Variants in PRRC2B observed in about 807,000 individuals in gnomAD.
The protein encoded by PRRC2B is proline rich coiled-coil 2B.
A neutral mutation model predicts 242.3 loss-of-function variants in PRRC2B; 68 were observed. The ratio of observed to expected loss-of-function variants is 0.28; its 90% CI spans 0.23 to 0.34. The LOEUF is 0.34. Among genes scored for constraint, PRRC2B ranks in the 10% least tolerant of loss-of-function variants. The probability of loss-of-function intolerance (pLI) is 1.00; values close to 1 mark genes in which losing one functional copy is unlikely to be tolerated. For synonymous variants in PRRC2B, 1,228 were observed against 1,173.6 expected, an observed-to-expected ratio of 1.05 and a Z score of -0.95; for missense variants, 2,835 against 2,954.8, an observed-to-expected ratio of 0.96 and a Z score of 0.94.
chr9:131,375,621 G>C (rs1836673992), intron 1 of PRRC2B, among the ~76,000 whole-genome samples: 1 of 152,140 alleles, frequency 6.6e-6, no homozygotes, highest in Admixed American at 6.6e-5. Context: ...AGGCTTTGGG[G>C]TCAGAAGGCT....
chr9:131,420,131 C>T (rs1399669415), intron 1 of PRRC2B, among the ~76,000 whole-genome samples: 3 of 152,102 alleles, frequency 2.0e-5, no homozygotes, highest in Admixed American at 6.6e-5. Context: ...TATATGCTGT[C>T]TCCTTGGGGT....
chr9:131,493,890 A>G (rs765886643), intron 30 of PRRC2B, among the ~76,000 whole-genome samples: 43 of 151,972 alleles, frequency 2.8e-4, no homozygotes, highest in Non-Finnish European at 5.7e-4. Flanking sequence ...TCCACGTAGC[A>G]CCTAATTAAC....
intron 19 of PRRC2B, among the ~76,000 whole-genome samples, chr9:131,481,516 T>G (rs1381192522): frequency 6.6e-6 from 1 of 151,474 alleles, no homozygotes; most frequent in Non-Finnish European, 1.5e-5. Flanking sequence ...TGGGTGAGGA[T>G]GTGGAAAGTT....
intron 1 of PRRC2B, among the ~76,000 whole-genome samples, chr9:131,424,044 T>A (rs1024707128): frequency 6.6e-6 from 1 of 152,190 alleles, no homozygotes; most frequent in Non-Finnish European, 1.5e-5. Flanking sequence ...CAAGCAGTTG[T>A]CCTGCCTCAG....
chr9:131,459,897 A>G (rs1303616642), intron 11 of PRRC2B, among the ~76,000 whole-genome samples: 1 of 148,224 alleles, frequency 6.7e-6, no homozygotes, highest in African/African-American at 2.5e-5. Context: ...ACAGTTTGCA[A>G]GGCTGAGGCA....
chr9:131,476,760 T>C (rs955370350), intron 16 of PRRC2B, among the ~76,000 whole-genome samples: 1 of 140,646 alleles, frequency 7.1e-6, no homozygotes, highest in Admixed American at 7.0e-5. Flanking sequence ...GTGGTGCTCT[T>C]GAGGCCACTG....
intron 1 of PRRC2B, among the ~76,000 whole-genome samples, chr9:131,408,329 T>C (rs1353206060): frequency 2.6e-5 from 4 of 152,198 alleles, no homozygotes; most frequent in Non-Finnish European, 4.4e-5. Context: ...CCCCAGCATG[T>C]AAAGATACAT....
intron 2 of PRRC2B, among the ~76,000 whole-genome samples, chr9:131,430,495 A>C (rs866492510): frequency 3.4e-5 from 2 of 59,644 alleles, no homozygotes; most frequent in East Asian, 2.3e-3. Context: ...CTGGGGAGAT[A>C]TATCTATAGA....
rs1037862193 is a variant in PRRC2B at position 131,480,995 on chromosome 9, T to C, written c.4901-731T>C. On this transcript the variant is annotated intron_variant, in intron 19 of 31. Transcript: ENST00000683519. ...AGACCAGCAACAGAGTGAGACCCTG[T>C]CTCTATTGTTTAAAAAAAAAAGAAG... Among the ~76,000 whole-genome samples, 8 of 151,238 alleles carry C rather than the reference T, an allele frequency of 5.3e-5. 1 individual carries two copies. The highest frequency in any genetic ancestry group is 1.5e-5 in the Non-Finnish European group (1 of 67,866).
intron 1 of PRRC2B, among the ~76,000 whole-genome samples, chr9:131,421,339 G>C (rs1209115320): frequency 6.6e-6 from 1 of 152,222 alleles, no homozygotes; most frequent in Non-Finnish European, 1.5e-5. Context: ...GCCAGACATT[G>C]ATTGGTGTGT....
intron 10 of PRRC2B, among the ~76,000 whole-genome samples, chr9:131,457,680 C>T (rs1468797869): frequency 2.6e-5 from 4 of 152,008 alleles, no homozygotes; most frequent in African/African-American, 4.8e-5. Context: ...CATGGGTCCA[C>T]CAGTTCATCT....
rs746675274 is a variant in PRRC2B, at chr9:131,474,938, C to T, written c.2809C>T (p.Arg937Trp). 1.6e-5 allele frequency: 25 copies of T among 1,593,572 alleles called. No individual in the cohort carries two copies. The highest frequency in any genetic ancestry group is 2.7e-5 in the African/African-American group (2 of 74,416). ...SQHPEQTGRT[R>W]RSGPIKKPVL... ...GCACCCGGAGCAGACGGGCAGGACCCGGAGGTCGGGACCCATCAAGAAACC... is the reference window on the plus strand; with the variant it reads ...GCACCCGGAGCAGACGGGCAGGACCTGGAGGTCGGGACCCATCAAGAAACC... The change falls in exon 16 of 32, where the codon CGG becomes TGG. Residue 937 changes from arginine (R) to tryptophan (W), a missense_variant. By Grantham distance (101) the Arg-to-Trp change is moderately radical. Around this residue, in one of 7 missense-constraint regions of PRRC2B, gnomAD observed 1,536 missense variants for 1,483.1 expected, o/e 1.04. Transcript: ENST00000683519.
chr9:131,432,434 C>T (rs564198098), intron 2 of PRRC2B, among the ~76,000 whole-genome samples, 183 bp from the exon 3 acceptor site: 1 of 152,298 alleles, frequency 6.6e-6, no homozygotes, highest in East Asian at 1.9e-4. Context: ...CAGTGAAGAG[C>T]TTGTAAAGTG....
chr9:131,420,493 C>CTTTCTTTCTTTCTTTCTTTCTTTCTTTCT, intron 1 of PRRC2B, among the ~76,000 whole-genome samples: 346 of 30,078 alleles, frequency 0.012, 6 homozygotes, highest in Middle Eastern at 0.017. Flanking sequence ...TTCTTTCTTT[C>CTTTCTTTCTTTCTTTCTTTCTTTCTTTCT]TTTTTTTTTT....
chr9:131,434,958 A>T (rs1175373546), intron 3 of PRRC2B, among the ~76,000 whole-genome samples: 1 of 152,136 alleles, frequency 6.6e-6, no homozygotes, highest in East Asian at 1.9e-4. Flanking sequence ...CTAAGGTCGT[A>T]TGCTATGGAA....
At chr9:131,455,203 TC>T (rs751920524) in intron 10 of PRRC2B, 37 bp downstream of exon 10, 9 of 1,412,176 alleles carry the variant, frequency 6.4e-6, no homozygotes, top group Admixed American at 1.8e-5. Flanking sequence ...CATGAGTGCA[TC>T]CCTGCTTAGT....
At position 131,482,883 on chromosome 9, in the gene PRRC2B, C is replaced by T. The variant is rs1406265525; in HGVS notation, c.5349C>T (p.Pro1783=). The part of the protein sequence containing the change: ...IHVDSVLPVP[P]IEFGVSPKDS... ...TGGACTCCGTGCTGCCTGTGCCACC[C>T]ATTGAATTTGGAGTCAGTCCAAAAG... The change falls in exon 22 of 32, where the codon CCC becomes CCT. Residue 1783 remains proline, a synonymous_variant. Transcript: ENST00000683519. The surrounding 1 kb of genome is among the most constrained non-coding windows in gnomAD (Gnocchi z 5.2). 3.7e-6 allele frequency: 6 copies of T among 1,607,562 alleles called. No homozygotes were observed. Among genetic ancestry groups the T allele is most frequent in the Non-Finnish European group, 2.5e-6 (3 of 1,177,028 alleles).
chr9:131,450,269 T>C lies in PRRC2B; in HGVS notation c.1120+2465T>C, dbSNP rs1271221729. The stretch of plus-strand genomic sequence containing the variant: ...AACATCGATAAGTGACATCTTAAAT[T>C]TTTTTTTTTTTTTCCCGAGACAGAG... On this transcript the variant is annotated intron_variant, in intron 9 of 31. Coordinates refer to ENST00000683519, the MANE Select transcript of PRRC2B (RefSeq NM_013318.4). Among the ~76,000 whole-genome samples the C allele has an allele frequency of 1.4e-5, 2 of 147,886 alleles. 1 individual carries two copies. The highest frequency in any genetic ancestry group is 1.3e-4 in the Admixed American group (2 of 14,922).
In PRRC2B at chr9:131,454,975, G is replaced by A. The variant is rs548315135; in HGVS notation, c.1121-101G>A. The A allele has an allele frequency of 4.7e-6, 4 of 847,282 alleles. No homozygotes were observed. The African/African-American group carries it at 5.1e-5, about 11-fold the overall frequency. 52.5% of individuals were successfully genotyped at this position (847,282 alleles called of 1,614,324 possible). On this transcript the variant is annotated intron_variant, in intron 9 of 31. Coordinates refer to ENST00000683519, the MANE Select transcript of PRRC2B (RefSeq NM_013318.4). Reference sequence around the variant, plus strand: ...CTGTCCTCATGATCCGCCCACCTCAGCCTCGCAAAGTACTGGGATTACAGG... The same window carrying A: ...CTGTCCTCATGATCCGCCCACCTCAACCTCGCAAAGTACTGGGATTACAGG...
Sources: allele counts gnomAD v4.1 joint callset (sites outside exome capture counted in the v4.1 genomes callset), GRCh38; gene constraint gnomAD v4.1.1; regional missense constraint gnomAD v4.1.1; non-coding constraint Gnocchi (gnomAD v3.1); transcripts MANE v1.5; gene names NCBI Gene and HGNC (gene_info 2026-07-23, HGNC 2026-07-21).